Variants in FBXL18 observed in about 807,000 individuals in gnomAD.
The protein encoded by FBXL18 is F-box and leucine rich repeat protein 18.
FBXL18 carries 36 observed loss-of-function variants against 46.0 expected under a neutral mutation model. The observed-to-expected ratio is 0.78, with a 90% CI of 0.60 to 1.03. The LOEUF is 1.03. Among genes scored for constraint, FBXL18 ranks in the 50% least tolerant of loss-of-function variants. The pLI, the probability that FBXL18 is intolerant of heterozygous loss-of-function variation, is 0.00. For synonymous variants in FBXL18, 557 were observed against 465.3 expected, an observed-to-expected ratio of 1.20 and a Z score of -2.54; for missense variants, 977 against 1,004.1, an observed-to-expected ratio of 0.97 and a Z score of 0.36.
intron 3 of FBXL18, among the ~76,000 whole-genome samples, chr7:5,497,073 T>G (rs1355377040): frequency 6.8e-6 from 1 of 146,496 alleles, no homozygotes; most frequent in African/African-American, 2.5e-5. Context: ...TGGTCGCATG[T>G]GCCTATAGTC....
intron 2 of FBXL18, among the ~76,000 whole-genome samples, chr7:5,505,166 G>A (rs926400055): frequency 6.6e-6 from 1 of 151,762 alleles, no homozygotes; most frequent in Non-Finnish European, 1.5e-5. Context: ...CCACTCCCAA[G>A]GCCCTAGGTT....
intron 1 of FBXL18, among the ~76,000 whole-genome samples, chr7:5,511,939 T>A (rs1255678732): frequency 1.3e-5 from 2 of 150,058 alleles, no homozygotes; most frequent in South Asian, 4.2e-4. Context: ...AAAAGAGAAA[T>A]AAAAATAAAG....
Position 5,501,895 on chromosome 7 carries a change from T to A in FBXL18, c.374A>T (p.Asn125Ile). The A allele has an allele frequency of 6.2e-7, 1 of 1,602,262 alleles. No individual in the cohort carries two copies. ...GGAAGTGAGGTGGCAGCCCGAGAGG[T>A]TCACCTTCACCAGGCTGCGGCAGCG... Reference protein sequence around the residue: ...VARCRSLVKVNLSGCHLTSLR... With the variant: ...VARCRSLVKVILSGCHLTSLR... The change falls in exon 3 of 5, where the codon AAC becomes ATC. Residue 125 changes from asparagine (N) to isoleucine (I), a missense_variant. Asn to Ile is a moderately radical substitution (Grantham distance 149). Transcript: ENST00000382368.
downstream of FBXL18, among the ~76,000 whole-genome samples, chr7:5,475,606 G>A (rs1355684540): frequency 6.6e-6 from 1 of 152,174 alleles, no homozygotes; most frequent in African/African-American, 2.4e-5. This position sits in a 1 kb window ranked among gnomAD's most constrained non-coding sequence, Gnocchi z 4.2. Context: ...GATGCCCCCT[G>A]GGGAGTGTCT....
Position 5,481,911 on chromosome 7 carries a change from G to A in FBXL18, c.2021C>T (p.Ala674Val), listed in dbSNP as rs199593972. 12 of 1,610,070 alleles carry A rather than the reference G, an allele frequency of 7.5e-6. No individual in the cohort carries two copies. Among genetic ancestry groups the A allele is most frequent in the Admixed American group, 1.7e-5 (1 of 59,346 alleles). ...LLRSFQAERP[A>V]LNVVIFPLLH... Reference sequence around the variant, plus strand: ...CAGAGGGAAGATGACGACGTTTAACGCGGGCCGCTCGGCCTGGAAGCTGAA... The same window carrying A: ...CAGAGGGAAGATGACGACGTTTAACACGGGCCGCTCGGCCTGGAAGCTGAA... Residue 674 changes from alanine to valine, a missense_variant, in exon 5 of 5, where the codon GCG becomes GTG. By Grantham distance (64) the Ala-to-Val change is moderately conservative. Transcript: ENST00000382368.
intron 4 of FBXL18, among the ~76,000 whole-genome samples, chr7:5,469,210 G>A (rs191763577): frequency 6.6e-6 from 1 of 152,116 alleles, no homozygotes; most frequent in African/African-American, 2.4e-5. Flanking sequence ...TCAGGAGTTC[G>A]AGACCAGACT....
At chr7:5,471,971 C>G (rs572842911), downstream of FBXL18, among the ~76,000 whole-genome samples, 103 of 152,258 alleles carry the variant, frequency 6.8e-4, no homozygotes, top group African/African-American at 2.4e-3. Context: ...ACCTACAGTC[C>G]CACCTCCTCG....
chr7:5,496,019 C>T lies in FBXL18; in HGVS notation c.1781+4469G>A. 2.5e-6 allele frequency: 1 copy of T among 403,222 alleles called. No individual in the cohort carries two copies. Among genetic ancestry groups the T allele is most frequent in the South Asian group, 1.8e-5 (1 of 54,664 alleles). The allele number at this position is 403,222 out of a possible 1,614,324, so 25.0% of individuals were successfully genotyped here. On this transcript the variant is annotated intron_variant, in intron 3 of 4. Coordinates refer to ENST00000382368, the MANE Select transcript of FBXL18 (RefSeq NM_024963.6). This position sits in a 1 kb window ranked among gnomAD's most constrained non-coding sequence, Gnocchi z 4.8. The stretch of plus-strand genomic sequence containing the variant: ...CCCGCAGGCCTCTCCGCGCCTTCTC[C>T]ATGGCCCTGCTCCTGAGGAAGGCCC...
chr7:5,487,819 T>C (rs1783812886), intron 4 of FBXL18, among the ~76,000 whole-genome samples: 1 of 136,062 alleles, frequency 7.3e-6, no homozygotes, highest in Non-Finnish European at 1.6e-5. Flanking sequence ...GCGCCGTGGG[T>C]CCCACCACAG....
Position 5,486,058 on chromosome 7 carries a change from C to CAAAA in FBXL18, c.2001-4131_2001-4128dup, listed in dbSNP as rs1230116681. On this transcript the variant is annotated intron_variant, in intron 4 of 4. Coordinates refer to ENST00000382368, the MANE Select transcript of FBXL18 (RefSeq NM_024963.6). ...TGGCCAACAGAGCAAGACTCTGTCT[C>CAAAA]AAAAAAATAAATAAATAAATAAATA... Among the ~76,000 whole-genome samples the CAAAA allele has an allele frequency of 2.9e-4, 31 of 105,858 alleles. No individual in the cohort carries two copies. The South Asian group carries it at 5.1e-3, about 17-fold the overall frequency. The allele number at this position is 105,858 out of a possible 152,430, so 69.4% of individuals were successfully genotyped here.
chr7:5,470,076 G>A (rs1337093369), intron 4 of FBXL18, among the ~76,000 whole-genome samples: 2 of 152,112 alleles, frequency 1.3e-5, no homozygotes, highest in East Asian at 3.8e-4. Flanking sequence ...GTGCCAGTCT[G>A]CGGGCGTGGG....
chr7:5,473,966 T>G (rs1397212601), downstream of FBXL18, among the ~76,000 whole-genome samples: 4 of 151,798 alleles, frequency 2.6e-5, no homozygotes, highest in Non-Finnish European at 5.9e-5. Context: ...CCGGCTAATT[T>G]TTGTACTTTT....
chr7:5,470,935 T>C (rs1246695062), downstream of FBXL18, among the ~76,000 whole-genome samples: 2 of 152,042 alleles, frequency 1.3e-5, no homozygotes, highest in East Asian at 1.9e-4. Flanking sequence ...TCCTTGCCAA[T>C]GGTATCTGAG....
At chr7:5,509,042 A>G (rs903108457) in intron 1 of FBXL18, among the ~76,000 whole-genome samples, 9 of 151,718 alleles carry the variant, frequency 5.9e-5, no homozygotes, top group African/African-American at 1.9e-4. Flanking sequence ...AAAATACAAA[A>G]CTTAGCCGGG....
chr7:5,507,689 CG>C (rs1784425982), intron 1 of FBXL18, among the ~76,000 whole-genome samples: 1 of 147,790 alleles, frequency 6.8e-6, no homozygotes, highest in South Asian at 2.2e-4. Context: ...CAAAAATTAC[CG>C]GGGCATGGTG....
rs1483125841 is a variant in FBXL18 at position 5,481,235 on chromosome 7, G to T, written c.*540C>A. On this transcript the variant is annotated 3_prime_UTR_variant, in exon 5 of 5. Transcript: ENST00000382368. ...TAATGGGATGGAGAGTCCCAAGTCT[G>T]CAGCCACTAAACTGGCAGGCCCTTC... 1 of 158,222 alleles carries T rather than the reference G, an allele frequency of 6.3e-6. No individual in the cohort carries two copies. The highest frequency in any genetic ancestry group is 1.4e-5 in the Non-Finnish European group (1 of 71,214). The allele number at this position is 158,222 out of a possible 1,614,324, so 9.8% of individuals were successfully genotyped here.
chr7:5,491,301 C>T lies in FBXL18; in HGVS notation c.1930G>A (p.Val644Ile). 6.2e-7 allele frequency: 1 copy of T among 1,612,748 alleles called. No individual in the cohort carries two copies. Reference protein sequence around the residue: ...LAFMARCLQVVMCHLFTGESL... With the variant: ...LAFMARCLQVIMCHLFTGESL... ...TCCCCGGTGAACAGGTGGCACATGACAACCTGCAGGCAGCGAGCCATGAAG... is the reference window on the plus strand; with the variant it reads ...TCCCCGGTGAACAGGTGGCACATGATAACCTGCAGGCAGCGAGCCATGAAG... The change falls in exon 4 of 5, where the codon GTC becomes ATC. Residue 644 changes from valine to isoleucine, a missense_variant. Val to Ile is a conservative substitution (Grantham distance 29). Transcript: ENST00000382368.
Position 5,500,844 on chromosome 7 carries a change from G to A in FBXL18, c.1425C>T (p.Phe475=), listed in dbSNP as rs1784221892. 7 of 1,610,126 alleles carry A rather than the reference G, an allele frequency of 4.3e-6. No homozygotes were observed. Among genetic ancestry groups the A allele is most frequent in the Non-Finnish European group, 5.9e-6 (7 of 1,178,078 alleles). ...GQACPQPSSV[F]WSLLKNLPFL... ...AGGGCAGGTTCTTCAGCAGAGACCA[G>A]AACACGGAGGAGGGCTGGGGGCACG... The change falls in exon 3 of 5, where the codon TTC becomes TTT. Residue 475 remains phenylalanine (F), a synonymous_variant. Coordinates refer to ENST00000382368, the MANE Select transcript of FBXL18 (RefSeq NM_024963.6).
Position 5,505,607 on chromosome 7 carries a change from GTCA to G in FBXL18, c.39_41del (p.Asp14del). 1.2e-6 allele frequency: 2 copies of G among 1,613,766 alleles called. No homozygotes were observed. Among genetic ancestry groups the G allele is most frequent in the African/African-American group, 1.3e-5 (1 of 75,024 alleles). ...CCATCCCGGCTGCTGCAGGGTGCATGTCATCATCATCATTGGATATGTCCTGAA... is the reference window on the plus strand; with the variant it reads ...CCATCCCGGCTGCTGCAGGGTGCATGTCATCATCATTGGATATGTCCTGAA... On this transcript the variant is annotated inframe_deletion, in exon 2 of 5. Coordinates refer to ENST00000382368, the MANE Select transcript of FBXL18 (RefSeq NM_024963.6).
Sources: allele counts gnomAD v4.1 joint callset (sites outside exome capture counted in the v4.1 genomes callset), GRCh38; gene constraint gnomAD v4.1.1; non-coding constraint Gnocchi (gnomAD v3.1); transcripts MANE v1.5; gene names NCBI Gene and HGNC (gene_info 2026-07-23, HGNC 2026-07-21).